The following PPP1R1C variants were observed in gnomAD, a reference collection of about 807,000 sequenced individuals.
PPP1R1C encodes protein phosphatase 1 regulatory inhibitor subunit 1C.
In PPP1R1C, 15 loss-of-function variants were observed where a neutral mutation model predicts 17.4. The observed-to-expected ratio is 0.86, with a 90% CI of 0.58 to 1.33. The LOEUF is 1.33. Ranked by LOEUF, PPP1R1C falls within the 40% of genes most tolerant of loss-of-function variation. The probability of loss-of-function intolerance (pLI) is 0.00; values close to 1 mark genes in which losing one functional copy is unlikely to be tolerated. For synonymous variants in PPP1R1C, 35 were observed against 43.1 expected (o/e 0.81, Z 0.73); for missense variants, 143 against 130.0 (o/e 1.10, Z -0.48).
chr2:182,008,472 C>T (rs1368510210), intron 2 of PPP1R1C, among the ~76,000 whole-genome samples: 1 of 152,098 alleles, frequency 6.6e-6, no homozygotes, highest in Admixed American at 6.5e-5. Context: ...ACCACTTAGC[C>T]ATCGAAGGAT....
chr2:182,034,211 G>A (rs957491409), intron 2 of PPP1R1C, among the ~76,000 whole-genome samples: 3 of 152,084 alleles, frequency 2.0e-5, no homozygotes, highest in African/African-American at 7.2e-5. Flanking sequence ...ATTAAGGACA[G>A]GAAGACAAAG....
chr2:182,001,706 A>T (rs1403648401), intron 2 of PPP1R1C, among the ~76,000 whole-genome samples: 2 of 152,182 alleles, frequency 1.3e-5, no homozygotes, highest in African/African-American at 4.8e-5. Context: ...TCCAGTCAGT[A>T]CTGAAAATCA....
intron 2 of PPP1R1C, among the ~76,000 whole-genome samples, chr2:182,029,232 T>C (rs1407742252): frequency 6.6e-6 from 1 of 151,094 alleles, no homozygotes; most frequent in Non-Finnish European, 1.5e-5. Flanking sequence ...AATATTGTCA[T>C]GTGTGAATTT....
At chr2:182,089,582 T>C (rs985360420) in intron 4 of PPP1R1C, among the ~76,000 whole-genome samples, 3 of 152,334 alleles carry the variant, frequency 2.0e-5, no homozygotes, top group Admixed American at 1.3e-4. Context: ...TTAACTTCTT[T>C]ATCTTTTTAT....
Position 182,056,709 on chromosome 2 carries a change from T to C in PPP1R1C, c.143-4733T>C, listed in dbSNP as rs541458069. On this transcript the variant is annotated intron_variant, in intron 2 of 4. Transcript: ENST00000682840. ...ATCCAGAATAAATCATTCCTTTCCA[T>C]GGTTTTAGTTATTGTCTAAGGCTAG... 5.3e-5 allele frequency among the ~76,000 whole-genome samples: 8 copies of C among 152,314 alleles called. No individual in the cohort carries two copies. The East Asian group carries it at 1.5e-3, about 29-fold the overall frequency.
At chr2:182,043,935 C>G (rs1687264898) in intron 2 of PPP1R1C, among the ~76,000 whole-genome samples, 1 of 152,180 alleles carries the variant, frequency 6.6e-6, no homozygotes. Context: ...CTTGGATAAT[C>G]AGTAAGCACC....
chr2:182,049,636 AC>A (rs2125187013), intron 2 of PPP1R1C, among the ~76,000 whole-genome samples: 1 of 152,220 alleles, frequency 6.6e-6, no homozygotes, highest in Non-Finnish European at 1.5e-5. Context: ...GCAGGGGTTT[AC>A]CTTTTCCTCT....
chr2:182,002,321 A>G (rs1379316055), intron 2 of PPP1R1C, among the ~76,000 whole-genome samples: 2 of 152,122 alleles, frequency 1.3e-5, no homozygotes, highest in Non-Finnish European at 2.9e-5. Context: ...TTAGTATGAA[A>G]TTCCTTATGA....
intron 4 of PPP1R1C, among the ~76,000 whole-genome samples, chr2:182,107,006 A>G (rs1210958648): frequency 2.6e-5 from 4 of 152,208 alleles, no homozygotes; most frequent in African/African-American, 9.6e-5. Flanking sequence ...TTATGACCTC[A>G]CTTTAACTTG....
chr2:182,081,776 A>G (rs1688486272), intron 4 of PPP1R1C, among the ~76,000 whole-genome samples: 1 of 152,202 alleles, frequency 6.6e-6, no homozygotes, highest in African/African-American at 2.4e-5. Context: ...AGCCACTTCA[A>G]CCACTCATCA....
chr2:182,036,934 T>G (rs1402520531), intron 2 of PPP1R1C, among the ~76,000 whole-genome samples: 1 of 152,184 alleles, frequency 6.6e-6, no homozygotes, highest in Admixed American at 6.5e-5. Context: ...AGATGTTCAG[T>G]TTTTAGAAAT....
At chr2:182,042,171 T>G (rs1214850575) in intron 2 of PPP1R1C, among the ~76,000 whole-genome samples, 3 of 152,204 alleles carry the variant, frequency 2.0e-5, no homozygotes, top group Non-Finnish European at 2.9e-5. Context: ...TATGACTCCT[T>G]TTTTTACTCT....
chr2:182,065,571 T>A (rs537081237), intron 4 of PPP1R1C, among the ~76,000 whole-genome samples: 1 of 152,196 alleles, frequency 6.6e-6, no homozygotes, highest in East Asian at 1.9e-4. Context: ...GTAAAAACAT[T>A]TGCTGAGGGC....
At chr2:182,014,536 A>AC in intron 2 of PPP1R1C, among the ~76,000 whole-genome samples, 1 of 152,120 alleles carries the variant, frequency 6.6e-6, no homozygotes, top group South Asian at 2.1e-4. Flanking sequence ...CATGGCAACC[A>AC]CTGCCTGGCT....
At position 181,957,974 on chromosome 2, in the gene PPP1R1C, TAATG is replaced by T. The variant is rs1204050593; in HGVS notation, n.111+3343_111+3346del. Among the ~76,000 whole-genome samples the T allele has an allele frequency of 2.0e-5, 3 of 152,184 alleles. No individual in the cohort carries two copies. Among genetic ancestry groups the T allele is most frequent in the Admixed American group, 6.5e-5 (1 of 15,284 alleles). The stretch of plus-strand genomic sequence containing the variant: ...TTAATTCCTAAGAGGGACTGAGTAA[TAATG>T]AAAGTAGATTGAAGTATTTTGAAGG... On this transcript the variant is annotated intron_variant and non_coding_transcript_variant, in intron 1 of 5. Coordinates refer to the PPP1R1C transcript ENST00000464264. This position sits in a 1 kb window ranked among gnomAD's most constrained non-coding sequence, Gnocchi z 4.2.
chr2:182,037,132 T>A (rs909021518), intron 2 of PPP1R1C, among the ~76,000 whole-genome samples: 3 of 152,196 alleles, frequency 2.0e-5, no homozygotes, highest in Admixed American at 6.5e-5. Context: ...GCATTCCCAG[T>A]TGCTTTGTTA....
intron 2 of PPP1R1C, among the ~76,000 whole-genome samples, chr2:182,054,212 T>C (rs1017611069): frequency 1.4e-4 from 22 of 152,222 alleles, no homozygotes; most frequent in Admixed American, 1.3e-3. Flanking sequence ...TCACAGAAAG[T>C]TTTAAACATA....
chr2:182,085,348 C>T (rs1688598352), intron 4 of PPP1R1C, among the ~76,000 whole-genome samples: 2 of 151,994 alleles, frequency 1.3e-5, no homozygotes, highest in Non-Finnish European at 2.9e-5. Context: ...CTCTGTACAT[C>T]CATCTGTATA....
chr2:182,093,062 A>G lies in PPP1R1C; in HGVS notation c.242-24145A>G, dbSNP rs1007334901. 1.3e-5 allele frequency among the ~76,000 whole-genome samples: 2 copies of G among 152,136 alleles called. 1 individual carries two copies. Among genetic ancestry groups the G allele is most frequent in the African/African-American group, 4.8e-5 (2 of 41,446 alleles). ...TGCACTGCCGCAGCAGAAATTCTCC[A>G]TGAGGGCCCTAACCCCTGCAGCAAG... On this transcript the variant is annotated intron_variant, in intron 4 of 4. Transcript: ENST00000682840.
Sources: gnomAD v4.1 joint callset for allele counts (sites outside exome capture counted in the v4.1 genomes callset) on GRCh38, gnomAD v4.1.1 for gene constraint, Gnocchi (gnomAD v3.1) non-coding constraint, MANE v1.5 for transcripts, NCBI Gene and HGNC (gene_info 2026-07-23, HGNC 2026-07-21) for gene names.